The following GRID2 variants were observed in gnomAD, a reference collection of about 807,000 sequenced individuals.
GRID2 encodes glutamate receptor ionotropic, delta-2.
In GRID2, 33 loss-of-function variants were observed where a neutral mutation model predicts 114.8. That is an observed-to-expected ratio of 0.29 (90% CI 0.22 to 0.38). The LOEUF is 0.38. Among genes scored for constraint, GRID2 ranks in the 10% least tolerant of loss-of-function variants. The pLI, the probability that GRID2 is intolerant of heterozygous loss-of-function variation, is 1.00. For missense variants in GRID2, 1,184 were observed against 1,257.7 expected (o/e 0.94, Z 0.89); for synonymous variants, 505 against 449.9 (o/e 1.12, Z -1.55).
At chr4:92,500,611 C>A (rs1477689667) in intron 1 of GRID2, among the ~76,000 whole-genome samples, 4 of 152,048 alleles carry the variant, frequency 2.6e-5, no homozygotes. Context: ...CACCATACAC[C>A]AGTCTGATTG....
chr4:92,553,204 G>T (rs1486338998), intron 1 of GRID2, among the ~76,000 whole-genome samples: 1 of 152,116 alleles, frequency 6.6e-6, no homozygotes, highest in African/African-American at 2.4e-5. Context: ...ACCTAACTTT[G>T]TTCCCAGAAT....
intron 1 of GRID2, among the ~76,000 whole-genome samples, chr4:93,780,002 A>C (rs114704088): frequency 0.029 from 4,342 of 152,312 alleles, 93 homozygotes; most frequent in Non-Finnish European, 0.043. Flanking sequence ...TGTGTTGGGG[A>C]TACACCAGTA....
rs182934022 is a variant in GRID2 at position 93,693,365 on chromosome 4, G to A, written c.2360+66930G>A. Among the ~76,000 whole-genome samples the A allele has an allele frequency of 5.9e-5, 9 of 152,208 alleles. No individual in the cohort carries two copies. In the East Asian group the frequency reaches 9.6e-4, roughly 16 times the overall value. On this transcript the variant is annotated intron_variant, in intron 14 of 15. Coordinates refer to ENST00000282020, the MANE Select transcript of GRID2 (RefSeq NM_001510.4). ...CTAGAAACTCTTAATACTGGAATCC[G>A]CAAGCACAAATATACATCTGTTTGA... is the stretch of plus-strand genomic sequence containing the variant.
In GRID2 at chr4:92,807,501, T is replaced by C. The variant is rs1017908408; in HGVS notation, c.244+217215T>C. Among the ~76,000 whole-genome samples, 3 of 151,592 alleles carry C rather than the reference T, an allele frequency of 2.0e-5. No homozygotes were observed. The South Asian group carries it at 6.3e-4, about 32-fold the overall frequency. On this transcript the variant is annotated intron_variant, in intron 2 of 15. Transcript: ENST00000282020. ...AAAAATAAGCAGTGAATACAAGGAG[T>C]TGTAATTGGAATATTTCTCAAATGA...
chr4:93,604,791 G>A (rs942525958), intron 13 of GRID2, among the ~76,000 whole-genome samples: 1 of 152,192 alleles, frequency 6.6e-6, no homozygotes, highest in African/African-American at 2.4e-5. Context: ...ACTTGCTAAA[G>A]GCTGAGATGA....
At chr4:92,431,965 C>G (rs2110342000) in intron 1 of GRID2, among the ~76,000 whole-genome samples, 1 of 152,348 alleles carries the variant, frequency 6.6e-6, no homozygotes, top group African/African-American at 2.4e-5. Context: ...GAACCCCAAG[C>G]CCAGTAATGC....
chr4:92,497,347 G>A (rs1298159563), intron 1 of GRID2, among the ~76,000 whole-genome samples: 1 of 151,778 alleles, frequency 6.6e-6, no homozygotes, highest in Non-Finnish European at 1.5e-5. Context: ...TTTACCATCT[G>A]TGTGTATCCT....
At chr4:93,652,876 T>A (rs1254895315) in intron 14 of GRID2, among the ~76,000 whole-genome samples, 3 of 147,952 alleles carry the variant, frequency 2.0e-5, no homozygotes, top group Non-Finnish European at 4.4e-5. Flanking sequence ...AATCAGGAAG[T>A]GGCAGCAAAT....
intron 4 of GRID2, among the ~76,000 whole-genome samples, chr4:93,128,027 CAAAAAAAAAAAA>C (rs1008311457): frequency 4.4e-4 from 9 of 20,340 alleles, no homozygotes; most frequent in East Asian, 2.9e-3. Flanking sequence ...TCCCCCGCAA[CAAAAAAAAAAAA>C]AAAAAAAAAA....
chr4:92,486,555 A>T lies in GRID2; in HGVS notation c.89-103576A>T, dbSNP rs1455031162. On this transcript the variant is annotated intron_variant, in intron 1 of 15. Coordinates refer to ENST00000282020, the MANE Select transcript of GRID2 (RefSeq NM_001510.4). ...ATAAATCTCTCTCTCTTTCACACAC[A>T]CACACACACACACACACACACACAC... 6.3e-3 allele frequency among the ~76,000 whole-genome samples: 886 copies of T among 140,264 alleles called. 11 individuals carry two copies. Among genetic ancestry groups the T allele is most frequent in the African/African-American group, 0.025 (841 of 33,120 alleles). The allele number at this position is 140,264 out of a possible 152,430, so 92.0% of individuals were successfully genotyped here.
intron 2 of GRID2, among the ~76,000 whole-genome samples, chr4:93,031,983 C>G (rs1163643383): frequency 2.0e-5 from 3 of 152,076 alleles, no homozygotes; most frequent in Non-Finnish European, 4.4e-5. Context: ...GCATTATAAA[C>G]AGACTAACCT....
At chr4:93,119,875 G>A (rs1450396456) in intron 4 of GRID2, among the ~76,000 whole-genome samples, 2 of 152,136 alleles carry the variant, frequency 1.3e-5, no homozygotes, top group Non-Finnish European at 2.9e-5. Context: ...TCTGTTCATA[G>A]CCTTTACCCA....
chr4:92,936,044 A>C lies in GRID2; in HGVS notation c.245-148951A>C, dbSNP rs918174298. ...AAAACTTAAAGTATAATAATAATAAAATAAAAAAAAGAAATTTAAATGCTG... is the reference window on the plus strand; with the variant it reads ...AAAACTTAAAGTATAATAATAATAACATAAAAAAAAGAAATTTAAATGCTG... On this transcript the variant is annotated intron_variant, in intron 2 of 15. Coordinates refer to ENST00000282020, the MANE Select transcript of GRID2 (RefSeq NM_001510.4). 4.8e-5 allele frequency among the ~76,000 whole-genome samples: 7 copies of C among 146,472 alleles called. 1 individual carries two copies. Among genetic ancestry groups the C allele is most frequent in the Non-Finnish European group, 9.1e-5 (6 of 66,190 alleles).
intron 1 of GRID2, among the ~76,000 whole-genome samples, chr4:92,547,899 A>G (rs535687539): frequency 6.6e-6 from 1 of 152,338 alleles, no homozygotes; most frequent in South Asian, 2.1e-4. Context: ...ATGAACTTTA[A>G]GAAGTAGATT....
At chr4:92,953,215 G>C (rs1438932252) in intron 2 of GRID2, among the ~76,000 whole-genome samples, 1 of 152,162 alleles carries the variant, frequency 6.6e-6, no homozygotes, top group African/African-American at 2.4e-5. Context: ...TATATTTTGA[G>C]TTTGGGGAAG....
chr4:92,765,159 T>G (rs906408390), intron 2 of GRID2, among the ~76,000 whole-genome samples: 3 of 152,210 alleles, frequency 2.0e-5, no homozygotes, highest in Admixed American at 6.5e-5. Context: ...TTCAATTTTA[T>G]ACTATTTTTT....
chr4:92,943,740 C>T (rs781597145), intron 2 of GRID2, among the ~76,000 whole-genome samples: 5 of 152,050 alleles, frequency 3.3e-5, no homozygotes, highest in South Asian at 2.1e-4. Flanking sequence ...ATGATGGTGA[C>T]GTACAGATGG....
chr4:92,941,228 T>G (rs2149535832), intron 2 of GRID2, among the ~76,000 whole-genome samples: 1 of 152,318 alleles, frequency 6.6e-6, no homozygotes, highest in South Asian at 2.1e-4. Flanking sequence ...AGCTATTAAT[T>G]ATTGCCTCAA....
At chr4:93,266,915 G>A (rs996783144) in intron 8 of GRID2, among the ~76,000 whole-genome samples, 31 of 152,020 alleles carry the variant, frequency 2.0e-4, no homozygotes, top group African/African-American at 6.8e-4. Flanking sequence ...TACTCATCAC[G>A]TAATTTCTCA....
Sources: allele counts gnomAD v4.1 joint callset (sites outside exome capture counted in the v4.1 genomes callset), GRCh38; gene constraint gnomAD v4.1.1; transcripts MANE v1.5; gene names NCBI Gene and HGNC (gene_info 2026-07-23, HGNC 2026-07-21).